DLGAP2: variants seen among roughly 807,000 people sequenced by gnomAD.
The protein encoded by DLGAP2 is disks large-associated protein 2.
In DLGAP2, 26 loss-of-function variants were observed where a neutral mutation model predicts 100.3. The ratio of observed to expected loss-of-function variants is 0.26; its 90% confidence interval spans 0.19 to 0.36. The LOEUF (loss-of-function observed/expected upper bound fraction) is 0.36. DLGAP2 is among the 10% of genes least tolerant of loss of function. The probability of loss-of-function intolerance (pLI) is 1.00; values close to 1 mark genes in which losing one functional copy is unlikely to be tolerated. For synonymous variants in DLGAP2, 886 were observed against 630.1 expected (o/e 1.41, Z -6.08); for missense variants, 1,858 against 1,453.2 (o/e 1.28, Z -4.53).
At chr8:1,036,258 C>G (rs1172227119) in intron 2 of DLGAP2, among the ~76,000 whole-genome samples, 1 of 152,146 alleles carries the variant, frequency 6.6e-6, no homozygotes, top group African/African-American at 2.4e-5. Context: ...CTCATCCCGA[C>G]CCCACATGTT....
intron 3 of DLGAP2, among the ~76,000 whole-genome samples, chr8:1,271,310 G>A (rs9650487): frequency 0.029 from 4,372 of 151,976 alleles, 99 homozygotes; most frequent in Middle Eastern, 0.075. Context: ...CCTCAGCCGG[G>A]GGGGTGCGCC....
chr8:785,190 C>G (rs959689642), intron 1 of DLGAP2, among the ~76,000 whole-genome samples: 2 of 125,846 alleles, frequency 1.6e-5, no homozygotes, highest in Non-Finnish European at 3.1e-5. Context: ...GCATTTTGGC[C>G]TGGCCTGGGC....
intron 2 of DLGAP2, among the ~76,000 whole-genome samples, chr8:1,200,531 T>C (rs1797848117): frequency 6.6e-6 from 1 of 152,174 alleles, no homozygotes; most frequent in African/African-American, 2.4e-5. Flanking sequence ...GATTGTTCTC[T>C]GGTCTGACCC....
intron 3 of DLGAP2, among the ~76,000 whole-genome samples, chr8:1,497,376 A>C (rs1799579172): frequency 6.6e-6 from 1 of 152,174 alleles, no homozygotes; most frequent in African/African-American, 2.4e-5. Context: ...TAGGTGGAGG[A>C]AGCTTACGGT....
At chr8:1,456,337 C>T (rs116635023) in intron 3 of DLGAP2, among the ~76,000 whole-genome samples, 2 of 152,198 alleles carry the variant, frequency 1.3e-5, no homozygotes, top group African/African-American at 2.4e-5. Flanking sequence ...ATTCATCACG[C>T]CCTTTAAATA....
chr8:1,341,255 A>G (rs114654136), intron 3 of DLGAP2, among the ~76,000 whole-genome samples: 4,122 of 152,302 alleles, frequency 0.027, 75 homozygotes, highest in Middle Eastern at 0.082. Flanking sequence ...AATGAGATAC[A>G]TATCAAATAA....
chr8:1,275,863 AATAT>A (rs1327950664), intron 3 of DLGAP2, among the ~76,000 whole-genome samples: 1 of 119,920 alleles, frequency 8.3e-6, no homozygotes, highest in Non-Finnish European at 1.6e-5. Context: ...ATAATATATA[AATAT>A]ATATAATATA....
intron 1 of DLGAP2, 37 bp downstream of exon 1, chr8:737,862 G>T: frequency 2.7e-6 from 1 of 375,078 alleles, no homozygotes; most frequent in Non-Finnish European, 4.7e-6. Flanking sequence ...GCCGGGCGCG[G>T]GGCTCCGAGA....
chr8:1,540,081 C>T (rs558600032), intron 4 of DLGAP2, among the ~76,000 whole-genome samples: 4 of 152,186 alleles, frequency 2.6e-5, no homozygotes, highest in Non-Finnish European at 5.9e-5. Flanking sequence ...CTGGCAGTGC[C>T]GCCACAGGCA....
chr8:1,431,836 T>C (rs764344138), intron 3 of DLGAP2, among the ~76,000 whole-genome samples: 2 of 152,346 alleles, frequency 1.3e-5, no homozygotes, highest in East Asian at 1.9e-4. Context: ...TCCGTGTCGA[T>C]GGCCACCAAG....
intron 3 of DLGAP2, among the ~76,000 whole-genome samples, chr8:1,459,480 C>T (rs1798412780): frequency 6.6e-6 from 1 of 152,174 alleles, no homozygotes; most frequent in African/African-American, 2.4e-5. Flanking sequence ...TGTTCTATTC[C>T]ATGCACGCTT....
At chr8:1,168,054 C>G (rs1380871761) in intron 2 of DLGAP2, among the ~76,000 whole-genome samples, 1 of 126,748 alleles carries the variant, frequency 7.9e-6, no homozygotes, top group Non-Finnish European at 1.6e-5. Context: ...ACAACAGTCC[C>G]CAGAGTGTGA....
chr8:748,272 G>A (rs992347457), intron 1 of DLGAP2, among the ~76,000 whole-genome samples: 3 of 151,368 alleles, frequency 2.0e-5, no homozygotes, highest in African/African-American at 7.3e-5. Flanking sequence ...GGCCTCTGTG[G>A]TGGGATGGGT....
Position 1,228,956 on chromosome 8 carries a change from C to T in DLGAP2, c.74-29895C>T, listed in dbSNP as rs118126814. On this transcript the variant is annotated intron_variant, in intron 2 of 14. Coordinates refer to ENST00000637795, the MANE Select transcript of DLGAP2 (RefSeq NM_001346810.2). ...AAAGCAGATGAGAAAAAAGAAAAAG[C>T]ATTCCTATTGGAAAGGAAGAAGCAA... 7.9e-5 allele frequency among the ~76,000 whole-genome samples: 12 copies of T among 152,244 alleles called. No individual in the cohort carries two copies. In the East Asian group the frequency reaches 2.3e-3, roughly 29 times the overall value.
chr8:1,060,695 C>T lies in DLGAP2; in HGVS notation c.73+152729C>T, dbSNP rs151271118. On this transcript the variant is annotated intron_variant, in intron 2 of 14. Coordinates refer to ENST00000637795, the MANE Select transcript of DLGAP2 (RefSeq NM_001346810.2). ...TTGGGGGATGATGTTCATCCCGTAA[C>T]TCCTGGTGATGGTGGTGTCCTCACT... 9.7e-3 allele frequency among the ~76,000 whole-genome samples: 1,485 copies of T among 152,352 alleles called. 14 individuals carry two copies. Among genetic ancestry groups the T allele is most frequent in the South Asian group, 0.015 (73 of 4,828 alleles).
intron 8 of DLGAP2, among the ~76,000 whole-genome samples, chr8:1,649,695 C>G (rs907311530): frequency 6.6e-6 from 1 of 152,096 alleles, no homozygotes; most frequent in South Asian, 2.1e-4. Flanking sequence ...ATACTCCTTT[C>G]TAAAATATTT....
chr8:1,247,278 T>G (rs797022135), intron 2 of DLGAP2, among the ~76,000 whole-genome samples: 1 of 97,878 alleles, frequency 1.0e-5, no homozygotes. Flanking sequence ...AGTGAGATGG[T>G]CCACATCGGT....
chr8:901,712 C>G (rs537383379), intron 1 of DLGAP2, among the ~76,000 whole-genome samples: 1 of 152,352 alleles, frequency 6.6e-6, no homozygotes, highest in East Asian at 1.9e-4. Flanking sequence ...CAAGAACAGC[C>G]TCGATGGCAG....
intron 3 of DLGAP2, among the ~76,000 whole-genome samples, chr8:1,295,451 A>C (rs1203724726): frequency 3.9e-5 from 6 of 152,266 alleles, no homozygotes; most frequent in Admixed American, 2.0e-4. Context: ...GAAGCCAGGA[A>C]AGGCTGTGGG....
Sources: gnomAD v4.1 joint callset for allele counts (sites outside exome capture counted in the v4.1 genomes callset) on GRCh38, gnomAD v4.1.1 for gene constraint, MANE v1.5 for transcripts, NCBI Gene and HGNC (gene_info 2026-07-23, HGNC 2026-07-21) for gene names.